ATL2: variants seen among roughly 807,000 people sequenced by gnomAD.
The protein encoded by ATL2 is atlastin GTPase 2.
In ATL2, 31 loss-of-function variants were observed where a neutral mutation model predicts 73.9. The observed-to-expected ratio is 0.42, with a 90% CI of 0.32 to 0.57. ATL2 has a LOEUF of 0.57. ATL2 is among the 20% of genes least tolerant of loss of function. The pLI, the probability that ATL2 is intolerant of heterozygous loss-of-function variation, is 0.14. For missense variants in ATL2, 738 were observed against 702.6 expected (o/e 1.05, Z -0.57); for synonymous variants, 291 against 237.5 (o/e 1.23, Z -2.07).
intron 1 of ATL2, among the ~76,000 whole-genome samples, chr2:38,344,563 T>C (rs189184547): frequency 2.3e-3 from 345 of 152,220 alleles, no homozygotes; most frequent in African/African-American, 8.0e-3. Flanking sequence ...TGAGCTGAGA[T>C]TGCACCACTG....
chr2:38,310,751 C>A (rs2148421590), intron 7 of ATL2, among the ~76,000 whole-genome samples: 1 of 151,878 alleles, frequency 6.6e-6, no homozygotes, highest in East Asian at 1.9e-4. Flanking sequence ...GATTCTCCTG[C>A]CTCAGCCTCC....
upstream of ATL2, among the ~76,000 whole-genome samples, chr2:38,378,065 T>C (rs894813391): frequency 4.6e-5 from 7 of 152,192 alleles, no homozygotes; most frequent in African/African-American, 1.4e-4. Flanking sequence ...TGACATCCAG[T>C]AGAAAGTTCA....
intron 1 of ATL2, among the ~76,000 whole-genome samples, chr2:38,362,063 AATG>A (rs1398481196): frequency 6.6e-6 from 1 of 152,326 alleles, no homozygotes; most frequent in African/African-American, 2.4e-5. Context: ...CAGTCCACAT[AATG>A]ATGCTTATCA....
chr2:38,296,370 T>C (rs1666893741), intron 12 of ATL2: 1 of 1,494,826 alleles, frequency 6.7e-7, no homozygotes, highest in Non-Finnish European at 8.9e-7. Context: ...ATATGCAGCA[T>C]CAAATCTGGT....
At chr2:38,377,399 C>G (rs1411545062), upstream of ATL2, 1 of 670,122 alleles carries the variant, frequency 1.5e-6, no homozygotes, top group Non-Finnish European at 2.4e-6. Context: ...GCCTGTATCT[C>G]CTCGCCCTCC....
chr2:38,343,243 G>A (rs1387645433), intron 2 of ATL2, 25 bp downstream of exon 2: 3 of 1,519,276 alleles, frequency 2.0e-6, no homozygotes, highest in Non-Finnish European at 2.6e-6. Flanking sequence ...CTTTTTAATT[G>A]GGTTCAATTT....
At chr2:38,309,966 T>A (rs920371308) in intron 8 of ATL2, among the ~76,000 whole-genome samples, 8 of 152,202 alleles carry the variant, frequency 5.3e-5, no homozygotes, top group African/African-American at 1.9e-4. Flanking sequence ...CTATCACTCC[T>A]GAAACAGACA....
chr2:38,349,249 A>G (rs953819387), intron 1 of ATL2, among the ~76,000 whole-genome samples: 6 of 152,082 alleles, frequency 3.9e-5, no homozygotes, highest in African/African-American at 9.7e-5. Context: ...CACTATTCAC[A>G]ATAGCAAAGA....
intron 1 of ATL2, among the ~76,000 whole-genome samples, chr2:38,346,120 G>C (rs1214249772): frequency 2.0e-5 from 3 of 152,198 alleles, no homozygotes; most frequent in Non-Finnish European, 4.4e-5. Flanking sequence ...GGCTGTCCTT[G>C]ACATATAGAG....
chr2:38,325,898 TG>T (rs1668630144), intron 2 of ATL2, among the ~76,000 whole-genome samples: 3 of 139,508 alleles, frequency 2.2e-5, no homozygotes, highest in East Asian at 4.3e-4. Flanking sequence ...TTTGTTTGTT[TG>T]TTTGTTTAAA....
chr2:38,325,898 TGTTTGTTTAAAAAAAAAAAAA>T (rs1558412662), intron 2 of ATL2, among the ~76,000 whole-genome samples: 10 of 139,462 alleles, frequency 7.2e-5, no homozygotes, highest in Admixed American at 1.4e-4. Flanking sequence ...TTTGTTTGTT[TGTTTGTTTAAAAAAAAAAAAA>T]AAAAAAAAAA....
intron 2 of ATL2, among the ~76,000 whole-genome samples, chr2:38,339,695 T>C (rs987902611): frequency 1.3e-5 from 2 of 150,084 alleles, no homozygotes; most frequent in African/African-American, 4.8e-5. Context: ...TTTTATTTTA[T>C]TTATTTATTT....
chr2:38,310,226 AT>A, intron 8 of ATL2, 82 bp downstream of exon 8: 1 of 1,469,592 alleles, frequency 6.8e-7, no homozygotes, highest in Non-Finnish European at 9.4e-7. Context: ...AAGACAGGAC[AT>A]TTAAGGCGTC....
rs771749241 is a variant in ATL2, at chr2:38,330,520, T to TA, written c.364-11502dup. On this transcript the variant is annotated intron_variant, in intron 2 of 12. Coordinates refer to ENST00000378954, the MANE Select transcript of ATL2 (RefSeq NM_001135673.4). ...ATATAGAAAACTCGAAGGAATCCGC[T>TA]AAAAAAATTATTGGAACTAATGAAC... Among the ~76,000 whole-genome samples, 6 of 152,216 alleles carry TA rather than the reference T, an allele frequency of 3.9e-5. No individual in the cohort carries two copies. In the East Asian group the frequency reaches 9.6e-4, roughly 24 times the overall value.
intron 1 of ATL2, chr2:38,358,415 T>G (rs988075049): frequency 1.3e-5 from 2 of 155,172 alleles, no homozygotes; most frequent in Non-Finnish European, 2.9e-5. Flanking sequence ...GAAATTATTT[T>G]AAAATGGCTG....
chr2:38,309,608 A>G lies in ATL2; in HGVS notation c.944-102T>C, dbSNP rs576584865. 1.0e-4 allele frequency: 120 copies of G among 1,164,600 alleles called. No homozygotes were observed. The Middle Eastern group carries it at 1.0e-3, about 10-fold the overall frequency. 72.1% of individuals were successfully genotyped at this position (1,164,600 alleles called of 1,614,324 possible). On this transcript the variant is annotated intron_variant, in intron 8 of 12. Coordinates refer to ENST00000378954, the MANE Select transcript of ATL2 (RefSeq NM_001135673.4). ...GTTTTATGAAATAAGAATACATAGTATCTATTACTGAAGTGGATTCATTTT... is the reference window on the plus strand; with the variant it reads ...GTTTTATGAAATAAGAATACATAGTGTCTATTACTGAAGTGGATTCATTTT...
chr2:38,369,706 T>C (rs1483200676), intron 1 of ATL2, among the ~76,000 whole-genome samples: 3 of 151,962 alleles, frequency 2.0e-5, no homozygotes, highest in African/African-American at 7.2e-5. Context: ...TTTGAGACCC[T>C]ATCTCAAAAA....
Position 38,314,606 on chromosome 2 carries a change from A to C in ATL2, c.711+2T>G, listed in dbSNP as rs1468826037. Reference sequence around the variant, plus strand: ...TTTAAAATGTTAGAATAACTTTTTTACCTGAAATGGTTTCTGGTAGATTTC... The same window carrying C: ...TTTAAAATGTTAGAATAACTTTTTTCCCTGAAATGGTTTCTGGTAGATTTC... On this transcript the variant is annotated splice_donor_variant, in intron 6 of 12. Transcript: ENST00000378954. LOFTEE classifies it high-confidence loss of function. 1 of 1,594,218 alleles carries C rather than the reference A, an allele frequency of 6.3e-7. No homozygotes were observed.
At chr2:38,345,146 C>A (rs865795731) in intron 1 of ATL2, among the ~76,000 whole-genome samples, 5 of 152,184 alleles carry the variant, frequency 3.3e-5, no homozygotes, top group Middle Eastern at 3.4e-3. Context: ...TCTCCCACAT[C>A]AAAATTTCTA....
Sources: gnomAD v4.1 joint callset for allele counts (sites outside exome capture counted in the v4.1 genomes callset) on GRCh38, gnomAD v4.1.1 for gene constraint, MANE v1.5 for transcripts, NCBI Gene and HGNC (gene_info 2026-07-23, HGNC 2026-07-21) for gene names.